LOC400499: variants seen among roughly 807,000 people sequenced by gnomAD.
At chr16:11,523,743 T>A in the LOC400499 span, among the ~76,000 whole-genome samples, 167 of 152,086 alleles carry the variant, frequency 1.1e-3, no homozygotes, top group African/African-American at 3.8e-3. Context: ...TGCTTCCACA[T>A]CCCTCATCAC....
the LOC400499 span, among the ~76,000 whole-genome samples, chr16:11,518,362 T>G: frequency 6.6e-6 from 1 of 151,470 alleles, no homozygotes; most frequent in East Asian, 1.9e-4. Flanking sequence ...CAGGGAGGCC[T>G]GGGAAACAAG....
chr16:11,474,805 G>A, the LOC400499 span, among the ~76,000 whole-genome samples: 1 of 152,156 alleles, frequency 6.6e-6, no homozygotes, highest in Non-Finnish European at 1.5e-5. Flanking sequence ...GGGAGATGGA[G>A]GCTGCAGTGA....
chr16:11,398,697 T>C, the LOC400499 span, among the ~76,000 whole-genome samples: 1 of 151,728 alleles, frequency 6.6e-6, no homozygotes, highest in Admixed American at 6.6e-5. Context: ...TCTTGCTCTA[T>C]AGCCCAGGCT....
the LOC400499 span, among the ~76,000 whole-genome samples, chr16:11,426,845 C>T: frequency 0.082 from 11,282 of 138,078 alleles, 776 homozygotes; most frequent in African/African-American, 0.19. Context: ...ATGCTTGAGC[C>T]ATGATCATCC....
chr16:11,406,840 ACT>A, the LOC400499 span, among the ~76,000 whole-genome samples: 1 of 151,964 alleles, frequency 6.6e-6, no homozygotes, highest in Non-Finnish European at 1.5e-5. Flanking sequence ...CTCCTTGGTC[ACT>A]CTCAGTCACT....
chr16:11,430,422 G>A, the LOC400499 span, among the ~76,000 whole-genome samples: 5 of 152,230 alleles, frequency 3.3e-5, no homozygotes, highest in South Asian at 4.1e-4. Flanking sequence ...CCCGGGAGGC[G>A]GAGGTTGCAG....
chr16:11,401,355 G>A, the LOC400499 span: 2 of 399,458 alleles, frequency 5.0e-6, no homozygotes, highest in Admixed American at 8.8e-5. Flanking sequence ...GCCAGGGCCA[G>A]GCGGGCGGCC....
chr16:11,401,578 G>A, the LOC400499 span, among the ~76,000 whole-genome samples: 2 of 152,240 alleles, frequency 1.3e-5, no homozygotes, highest in Non-Finnish European at 2.9e-5. Flanking sequence ...CCATTTCACA[G>A]AGGAGGAAAT....
At chr16:11,391,557 A>G in the LOC400499 span, 1 of 980,548 alleles carries the variant, frequency 1.0e-6, no homozygotes, top group African/African-American at 1.7e-5. Flanking sequence ...GCGAGGCCAC[A>G]TTTCTGATTG....
chr16:11,401,423 A>C, the LOC400499 span: 1 of 399,492 alleles, frequency 2.5e-6, no homozygotes, highest in Non-Finnish European at 4.4e-6. Context: ...AGGGAGACAG[A>C]CTCAGCCAGT....
the LOC400499 span, among the ~76,000 whole-genome samples, chr16:11,493,053 G>C: frequency 6.6e-6 from 1 of 152,178 alleles, no homozygotes; most frequent in African/African-American, 2.4e-5. Context: ...AGAACAGAAA[G>C]GGCAATGTGC....
chr16:11,383,597 C>CAGAT, the LOC400499 span: 1 of 1,231,998 alleles, frequency 8.1e-7, no homozygotes, highest in Non-Finnish European at 1.0e-6. Flanking sequence ...GCCTGGAAGG[C>CAGAT]AGATGCCAGA....
the LOC400499 span, among the ~76,000 whole-genome samples, chr16:11,412,405 GA>G: frequency 4.6e-5 from 7 of 152,206 alleles, no homozygotes. Flanking sequence ...TCCCTGGGGG[GA>G]AACTCGCCCC....
At chr16:11,450,805 T>C in the LOC400499 span, 1 of 1,532,098 alleles carries the variant, frequency 6.5e-7, no homozygotes. Flanking sequence ...CCATGGACTA[T>C]CCAGGTTCAA....
At chr16:11,407,970 G>GTTTTTTTTTTTTTTTTTTTTTT in the LOC400499 span, among the ~76,000 whole-genome samples, 1 of 63,416 alleles carries the variant, frequency 1.6e-5, no homozygotes, top group African/African-American at 5.9e-5. Context: ...TTCCAGAGCT[G>GTTTTTTTTTTTTTTTTTTTTTT]TTTTTTTTTT....
the LOC400499 span, among the ~76,000 whole-genome samples, chr16:11,485,280 T>TAAG: frequency 6.6e-6 from 1 of 152,134 alleles, no homozygotes; most frequent in Non-Finnish European, 1.5e-5. Flanking sequence ...TGCCACACGG[T>TAAG]AAGAATTCTT....
At chr16:11,520,664 C>CAAA in the LOC400499 span, among the ~76,000 whole-genome samples, 15 of 63,134 alleles carry the variant, frequency 2.4e-4, 1 homozygote, top group South Asian at 7.0e-4. Flanking sequence ...GAGACTCCAT[C>CAAA]AAAAAAAAAA....
the LOC400499 span, among the ~76,000 whole-genome samples, chr16:11,463,590 G>A: frequency 3.3e-5 from 5 of 152,220 alleles, no homozygotes; most frequent in South Asian, 4.1e-4. Flanking sequence ...GTAAAGAGGT[G>A]TATATATATG....
At chr16:11,512,281 C>CA in the LOC400499 span, among the ~76,000 whole-genome samples, 1 of 151,006 alleles carries the variant, frequency 6.6e-6, no homozygotes, top group South Asian at 2.1e-4. Context: ...GATTCCATCT[C>CA]AAAAAAATAA....
Sources: gnomAD v4.1 joint callset for allele counts (sites outside exome capture counted in the v4.1 genomes callset) on GRCh38, gnomAD v4.1.1 for gene constraint, MANE v1.5 for transcripts.